PRKN: variants seen among roughly 807,000 people sequenced by gnomAD.
PRKN encodes the protein parkin RBR E3 ubiquitin protein ligase, also known as E3 ubiquitin-protein ligase parkin.
A neutral mutation model predicts 59.5 loss-of-function variants in PRKN; 56 were observed. That is an observed-to-expected ratio of 0.94 (90% confidence interval 0.76 to 1.18). The LOEUF is 1.18. Ranked by LOEUF, PRKN falls within the 50% of genes most tolerant of loss-of-function variation. The pLI, the probability that PRKN is intolerant of heterozygous loss-of-function variation, is 0.00. For missense variants in PRKN, 657 were observed against 596.4 expected, an observed-to-expected ratio of 1.10 and a Z score of -1.06; for synonymous variants, 250 against 222.1, an observed-to-expected ratio of 1.13 and a Z score of -1.12.
At chr6:162,007,421 A>G (rs1782298884) in intron 5 of PRKN, among the ~76,000 whole-genome samples, 2 of 152,322 alleles carry the variant, frequency 1.3e-5, no homozygotes, top group South Asian at 4.1e-4. Context: ...TCACCGTCCC[A>G]GAGTATAATG....
chr6:161,878,076 A>G (rs984379266), intron 6 of PRKN, among the ~76,000 whole-genome samples: 1 of 152,140 alleles, frequency 6.6e-6, no homozygotes, highest in Non-Finnish European at 1.5e-5. Flanking sequence ...TCAAAGAGCC[A>G]TGGATTCTCT....
intron 1 of PRKN, among the ~76,000 whole-genome samples, chr6:162,603,130 G>A (rs1372181505): frequency 6.6e-6 from 1 of 152,112 alleles, no homozygotes; most frequent in Non-Finnish European, 1.5e-5. Context: ...ATAACTCAGG[G>A]AAGAGTTCCC....
rs573304998 is a variant in PRKN, at chr6:161,401,378, A to C, written c.1084-14501T>G. Reference sequence around the variant, plus strand: ...GTAATCCCAGCACTTTGGGAAGCCAAGGTGGGCAGATCACCTGAGGTTAGG... The same window carrying C: ...GTAATCCCAGCACTTTGGGAAGCCACGGTGGGCAGATCACCTGAGGTTAGG... On this transcript the variant is annotated intron_variant, in intron 9 of 11. Transcript: ENST00000366898. This position sits in a 1 kb window ranked among gnomAD's most constrained non-coding sequence, Gnocchi z 4.4. Among the ~76,000 whole-genome samples, 1 of 152,278 alleles carries C rather than the reference A, an allele frequency of 6.6e-6. No individual in the cohort carries two copies. Among genetic ancestry groups the C allele is most frequent in the African/African-American group, 2.4e-5 (1 of 41,542 alleles).
At chr6:161,722,984 G>A (rs6455765) in intron 7 of PRKN, among the ~76,000 whole-genome samples, 28,190 of 151,988 alleles carry the variant, frequency 0.19, 2,707 homozygotes, top group South Asian at 0.22. Flanking sequence ...AACAGTGCAC[G>A]CTGGCTGGGC....
intron 1 of PRKN, among the ~76,000 whole-genome samples, chr6:162,635,597 TA>T (rs1444293581): frequency 2.3e-3 from 57 of 24,606 alleles, no homozygotes; most frequent in African/African-American, 0.02. Context: ...TATTTTATTA[TA>T]ATAATATTAT....
At chr6:161,946,414 A>ACTCTCTCTCTCT (rs61537965) in intron 6 of PRKN, among the ~76,000 whole-genome samples, 1 of 114,376 alleles carries the variant, frequency 8.7e-6, no homozygotes, top group Non-Finnish European at 1.7e-5. Context: ...ACACACACAC[A>ACTCTCTCTCTCT]CTCTCTCTCT....
chr6:161,821,651 A>G (rs892300606), intron 6 of PRKN, among the ~76,000 whole-genome samples: 1 of 151,088 alleles, frequency 6.6e-6, no homozygotes, highest in Non-Finnish European at 1.5e-5. Context: ...GAGAGAACTT[A>G]CATCCCTACA....
At chr6:162,433,675 A>C (rs547735436) in intron 2 of PRKN, among the ~76,000 whole-genome samples, 1 of 150,068 alleles carries the variant, frequency 6.7e-6, no homozygotes, top group South Asian at 2.1e-4. Flanking sequence ...AAATAACACT[A>C]GAACTATCTT....
At chr6:162,089,969 T>C (rs1250310828) in intron 4 of PRKN, among the ~76,000 whole-genome samples, 1 of 152,190 alleles carries the variant, frequency 6.6e-6, no homozygotes, top group East Asian at 1.9e-4. Context: ...AATTTGATGG[T>C]GTTGATGATT....
intron 1 of PRKN, among the ~76,000 whole-genome samples, chr6:162,598,285 T>C (rs747911168): frequency 6.6e-6 from 1 of 152,162 alleles, no homozygotes; most frequent in Non-Finnish European, 1.5e-5. Flanking sequence ...TTTCTTAATC[T>C]ACTGAAAGAA....
Position 161,379,193 on chromosome 6 carries a change from C to A in PRKN, c.1167+7601G>T, listed in dbSNP as rs750873015. On this transcript the variant is annotated intron_variant, in intron 10 of 11. Transcript: ENST00000366898. This position sits in a 1 kb window ranked among gnomAD's most constrained non-coding sequence, Gnocchi z 4.9. ...GTCCTCCCCTGCCCAATGTTGATAG[C>A]AAATCATTCAGTAGTCATGGCTTTA... 2.0e-5 allele frequency among the ~76,000 whole-genome samples: 3 copies of A among 152,256 alleles called. No homozygotes were observed. The highest frequency in any genetic ancestry group is 7.2e-5 in the African/African-American group (3 of 41,548).
At chr6:161,374,651 GTA>G (rs367961046) in intron 10 of PRKN, among the ~76,000 whole-genome samples, 8 of 4,656 alleles carry the variant, frequency 1.7e-3, no homozygotes, top group Admixed American at 2.7e-3. Flanking sequence ...TGGTGTGTGT[GTA>G]TGTGTGATGT....
chr6:162,219,324 G>C (rs1022878337), intron 3 of PRKN, among the ~76,000 whole-genome samples: 1 of 152,134 alleles, frequency 6.6e-6, no homozygotes. Flanking sequence ...ATACTGCATA[G>C]GTGACTCCCT....
intron 4 of PRKN, among the ~76,000 whole-genome samples, chr6:162,094,268 C>T (rs560286881): frequency 6.6e-6 from 1 of 152,064 alleles, no homozygotes; most frequent in African/African-American, 2.4e-5. Context: ...GGTGGGAGGA[C>T]TGCATGAGCC....
rs75860381 is a variant in PRKN at position 162,443,345 on chromosome 6, C to A, written c.136G>T (p.Ala46Ser). 1.9e-6 allele frequency: 3 copies of A among 1,612,994 alleles called. No homozygotes were observed. Among genetic ancestry groups the A allele is most frequent in the African/African-American group, 1.3e-5 (1 of 74,986 alleles). ...VPADQLRVIF[A>S]GKELRNDWTV... Reference sequence around the variant, plus strand: ...CAGTCATTCCTCAGCTCCTTCCCTGCGAAAATCACACGCAACTGGTCAGCC... The same window carrying A: ...CAGTCATTCCTCAGCTCCTTCCCTGAGAAAATCACACGCAACTGGTCAGCC... The change falls in exon 2 of 12, where the codon GCA becomes TCA. Residue 46 changes from alanine (A) to serine (S), a missense_variant. Coordinates refer to ENST00000366898, the MANE Select transcript of PRKN (RefSeq NM_004562.3).
At position 162,135,149 on chromosome 6, in the gene PRKN, C is replaced by A. The variant is rs139301896; in HGVS notation, c.534+65982G>T. On this transcript the variant is annotated intron_variant, in intron 4 of 11. Coordinates refer to ENST00000366898, the MANE Select transcript of PRKN (RefSeq NM_004562.3). ...TATTAGTTTTGTTGTTGTTGTTTGG[C>A]TTTTACAGACTGGGTCTTCCCCTGT... is the stretch of plus-strand genomic sequence containing the variant. Among the ~76,000 whole-genome samples, 5 of 151,996 alleles carry A rather than the reference C, an allele frequency of 3.3e-5. 1 individual carries two copies. In the East Asian group the frequency reaches 9.7e-4, roughly 29 times the overall value.
At chr6:162,266,168 GACTCAGT>G (rs2128101413) in intron 2 of PRKN, among the ~76,000 whole-genome samples, 1 of 152,196 alleles carries the variant, frequency 6.6e-6, no homozygotes, top group Non-Finnish European at 1.5e-5. Flanking sequence ...CCATGTTCAG[GACTCAGT>G]TACTTCCTGT....
intron 1 of PRKN, among the ~76,000 whole-genome samples, chr6:162,593,507 A>C (rs1781385309): frequency 6.6e-6 from 1 of 152,194 alleles, no homozygotes; most frequent in South Asian, 2.1e-4. Flanking sequence ...TGGACTTTAC[A>C]CAGTACGGTT....
chr6:162,063,839 G>A (rs887420638), intron 4 of PRKN, among the ~76,000 whole-genome samples: 5 of 152,174 alleles, frequency 3.3e-5, no homozygotes, highest in East Asian at 1.9e-4. Flanking sequence ...GCCGCAGCGC[G>A]CAGCCCTGGA....
Sources: allele counts gnomAD v4.1 joint callset (sites outside exome capture counted in the v4.1 genomes callset), GRCh38; gene constraint gnomAD v4.1.1; non-coding constraint Gnocchi (gnomAD v3.1); transcripts MANE v1.5; gene names NCBI Gene and HGNC (gene_info 2026-07-23, HGNC 2026-07-21).